Variants in TRPC6 observed in about 807,000 individuals in gnomAD.
TRPC6 encodes the protein short transient receptor potential channel 6.
TRPC6 carries 55 observed loss-of-function variants against 90.7 expected under a neutral mutation model. The ratio of observed to expected loss-of-function variants is 0.61; its 90% CI spans 0.49 to 0.76. The LOEUF (loss-of-function observed/expected upper bound fraction) is 0.76. Among genes scored for constraint, TRPC6 ranks in the 30% least tolerant of loss-of-function variants. The pLI is 0.00. For synonymous variants in TRPC6, 393 were observed against 393.0 expected (o/e 1.00, Z 0.00); for missense variants, 989 against 1,122.7 (o/e 0.88, Z 1.70).
At chr11:101,574,055 A>T (rs1345614223) in intron 1 of TRPC6, among the ~76,000 whole-genome samples, 1 of 150,412 alleles carries the variant, frequency 6.6e-6, no homozygotes, top group Non-Finnish European at 1.5e-5. Context: ...AAAACAGTCT[A>T]CCTCTATGTA....
Position 101,583,425 on chromosome 11 carries a change from C to G in TRPC6, c.79G>C (p.Glu27Gln), listed in dbSNP as rs1439312680. 1.9e-6 allele frequency: 3 copies of G among 1,560,290 alleles called. No individual in the cohort carries two copies. In the South Asian group the frequency reaches 3.5e-5, roughly 18 times the overall value. ...TCCATGAGCAGATAGTCCTGGCTCT[C>G]GTTGCGCCGCGCAGCGGCTCCGGCA... ...GAAGAAARRN[E>Q]SQDYLLMDSE... The change falls in exon 1 of 13, where the codon GAG becomes CAG. Residue 27 changes from glutamate (E) to glutamine (Q), a missense_variant. Glu to Gln is a conservative substitution (Grantham distance 29). Around this residue, in one of 4 missense-constraint regions of TRPC6, gnomAD observed 194 missense variants for 136.5 expected, o/e 1.42. Coordinates refer to ENST00000344327, the MANE Select transcript of TRPC6 (RefSeq NM_004621.6).
At chr11:101,463,829 AT>A (rs1859068208) in intron 10 of TRPC6, among the ~76,000 whole-genome samples, 1 of 151,780 alleles carries the variant, frequency 6.6e-6, no homozygotes. Context: ...GATCTTAGTT[AT>A]TTCTTGTATT....
intron 5 of TRPC6, among the ~76,000 whole-genome samples, chr11:101,480,747 T>C (rs1056194393): frequency 2.6e-5 from 4 of 152,164 alleles, no homozygotes; most frequent in Non-Finnish European, 5.9e-5. Context: ...TTGTGCCAAG[T>C]ACTGTATTAT....
intron 1 of TRPC6, among the ~76,000 whole-genome samples, chr11:101,565,735 A>G (rs1172172704): frequency 6.6e-6 from 1 of 152,072 alleles, no homozygotes; most frequent in Non-Finnish European, 1.5e-5. Flanking sequence ...AGAATGTACT[A>G]TTTTCTAATT....
chr11:101,529,435 C>T (rs555143558), intron 1 of TRPC6, among the ~76,000 whole-genome samples: 3 of 152,298 alleles, frequency 2.0e-5, no homozygotes, highest in South Asian at 2.1e-4. Context: ...AAAGCACGAG[C>T]GTGCACTGAG....
In TRPC6 at chr11:101,583,315, C is replaced by A. The variant is rs1185334357; in HGVS notation, c.170+19G>T. On this transcript the variant is annotated intron_variant, in intron 1 of 12. Transcript: ENST00000344327. ...CCGCGCAGCCCGCGCCCGATCCGCC[C>A]CGCGTCGCCGGCACTCACAAGCAGG... 1 of 1,565,934 alleles carries A rather than the reference C, an allele frequency of 6.4e-7. No individual in the cohort carries two copies. Among genetic ancestry groups the A allele is most frequent in the Non-Finnish European group, 8.6e-7 (1 of 1,156,870 alleles).
chr11:101,456,500 A>C (rs1858886352), intron 10 of TRPC6, among the ~76,000 whole-genome samples: 1 of 152,288 alleles, frequency 6.6e-6, no homozygotes, highest in Middle Eastern at 3.4e-3. Flanking sequence ...CAGGCTCATA[A>C]CCATCATGTC....
At chr11:101,514,815 C>G (rs1488649760) in intron 1 of TRPC6, among the ~76,000 whole-genome samples, 1 of 152,144 alleles carries the variant, frequency 6.6e-6, no homozygotes, top group Non-Finnish European at 1.5e-5. Flanking sequence ...TTCAAGATCT[C>G]AAGTTGAGAA....
At chr11:101,455,989 T>G (rs920706808) in intron 10 of TRPC6, among the ~76,000 whole-genome samples, 1 of 152,182 alleles carries the variant, frequency 6.6e-6, no homozygotes, top group Non-Finnish European at 1.5e-5. Flanking sequence ...ATAAGATTAA[T>G]AATAAACAAT....
At chr11:101,517,427 T>G (rs1454585681) in intron 1 of TRPC6, among the ~76,000 whole-genome samples, 1 of 152,254 alleles carries the variant, frequency 6.6e-6, no homozygotes, top group Non-Finnish European at 1.5e-5. Flanking sequence ...AATTGTCTTT[T>G]TATTCCTATG....
intron 2 of TRPC6, among the ~76,000 whole-genome samples, chr11:101,497,550 A>G (rs1043251079): frequency 6.6e-6 from 1 of 152,200 alleles, no homozygotes; most frequent in African/African-American, 2.4e-5. Context: ...CAGTGTCAGC[A>G]GCAGAGGCAT....
At chr11:101,457,609 AAGCTGTGTTATACAGT>A (rs2136643238) in intron 10 of TRPC6, among the ~76,000 whole-genome samples, 1 of 152,306 alleles carries the variant, frequency 6.6e-6, no homozygotes, top group African/African-American at 2.4e-5. Flanking sequence ...ATATGAAATG[AAGCTGTGTTATACAGT>A]GCTTATAAAC....
At chr11:101,506,206 G>T (rs1288123112) in intron 1 of TRPC6, among the ~76,000 whole-genome samples, 2 of 147,788 alleles carry the variant, frequency 1.4e-5, no homozygotes, top group African/African-American at 2.7e-5. Context: ...TGTTTTTGCA[G>T]AACTGGAACA....
intron 4 of TRPC6, among the ~76,000 whole-genome samples, chr11:101,485,501 C>T (rs893029001): frequency 2.6e-5 from 4 of 151,330 alleles, no homozygotes; most frequent in East Asian, 1.9e-4. Context: ...TTATTTTAAC[C>T]GTGTATTAGA....
chr11:101,567,267 C>T (rs1285381911), intron 1 of TRPC6, among the ~76,000 whole-genome samples: 8 of 152,112 alleles, frequency 5.3e-5, no homozygotes, highest in South Asian at 2.1e-4. Context: ...TCCAAATGGG[C>T]GTAGCCCACC....
intron 5 of TRPC6, among the ~76,000 whole-genome samples, chr11:101,480,164 G>A (rs2136685756): frequency 6.6e-6 from 1 of 152,260 alleles, no homozygotes; most frequent in East Asian, 1.9e-4. Flanking sequence ...GGCAGCAAGT[G>A]TGAAACTCCG....
chr11:101,544,110 C>A lies in TRPC6; in HGVS notation c.170+39224G>T, dbSNP rs186513594. ...TTCTCAAAAGAAGACATTTATGCAG[C>A]CAACAAACAAATGAAAAAATGCTCA... On this transcript the variant is annotated intron_variant, in intron 1 of 12. Transcript: ENST00000344327. Among the ~76,000 whole-genome samples the A allele has an allele frequency of 3.6e-3, 554 of 152,166 alleles. 2 individuals are homozygous for A. Among genetic ancestry groups the A allele is most frequent in the Admixed American group, 6.8e-3 (104 of 15,300 alleles).
At chr11:101,555,150 G>T (rs1418482316) in intron 1 of TRPC6, among the ~76,000 whole-genome samples, 1 of 152,182 alleles carries the variant, frequency 6.6e-6, no homozygotes, top group East Asian at 1.9e-4. Flanking sequence ...CTTGTGAAGT[G>T]TACATTCACT....
chr11:101,524,563 A>G (rs1240536860), intron 1 of TRPC6, among the ~76,000 whole-genome samples: 1 of 152,232 alleles, frequency 6.6e-6, no homozygotes, highest in Non-Finnish European at 1.5e-5. Context: ...TATCCCTTAA[A>G]TTTAAATGTA....
Sources: gnomAD v4.1 joint callset for allele counts (sites outside exome capture counted in the v4.1 genomes callset) on GRCh38, gnomAD v4.1.1 for gene constraint, gnomAD v4.1.1 regional missense constraint, MANE v1.5 for transcripts, NCBI Gene and HGNC (gene_info 2026-07-23, HGNC 2026-07-21) for gene names.